Variants in ARNT2 observed in about 807,000 individuals in gnomAD.
The protein encoded by ARNT2 is aryl hydrocarbon receptor nuclear translocator 2.
In ARNT2, 36 loss-of-function variants were observed where a neutral mutation model predicts 91.7. That is an observed-to-expected ratio of 0.39 (90% CI 0.30 to 0.52). ARNT2 has a LOEUF of 0.52. ARNT2 is among the 20% of genes least tolerant of loss of function. The pLI is 0.72. For missense variants in ARNT2, 775 were observed against 939.3 expected, an observed-to-expected ratio of 0.83 and a Z score of 2.29; for synonymous variants, 365 against 347.1, an observed-to-expected ratio of 1.05 and a Z score of -0.57.
intron 17 of ARNT2, among the ~76,000 whole-genome samples, chr15:80,583,701 A>G (rs1432928797): frequency 6.6e-6 from 1 of 152,248 alleles, no homozygotes; most frequent in Non-Finnish European, 1.5e-5. Context: ...GAGGTCAGAT[A>G]ACTTACCCAG....
chr15:80,580,871 G>A (rs758476426), intron 16 of ARNT2, among the ~76,000 whole-genome samples: 37 of 152,102 alleles, frequency 2.4e-4, no homozygotes, highest in Non-Finnish European at 5.1e-4. Flanking sequence ...TGCGCCAGGA[G>A]GGCATGAAAC....
intron 1 of ARNT2, among the ~76,000 whole-genome samples, chr15:80,424,958 C>T (rs79459591): frequency 0.021 from 3,234 of 152,258 alleles, 114 homozygotes; most frequent in African/African-American, 0.073. Flanking sequence ...CAAAATAAAT[C>T]CTTTTTTTGT....
chr15:80,410,778 A>G (rs1290160548), intron 1 of ARNT2, among the ~76,000 whole-genome samples: 3 of 150,596 alleles, frequency 2.0e-5, no homozygotes, highest in South Asian at 4.3e-4. Context: ...CTATCTATCT[A>G]TCTATCTATC....
chr15:80,508,873 T>C (rs1001974245), intron 6 of ARNT2, among the ~76,000 whole-genome samples: 1 of 152,172 alleles, frequency 6.6e-6, no homozygotes, highest in African/African-American at 2.4e-5. Flanking sequence ...AATTTTGCCA[T>C]GTCGTTGAAG....
At chr15:80,589,251 T>C (rs1398503047) in intron 17 of ARNT2, among the ~76,000 whole-genome samples, 1 of 151,894 alleles carries the variant, frequency 6.6e-6, no homozygotes, top group Non-Finnish European at 1.5e-5. Flanking sequence ...TCAAGAGAGA[T>C]TGAGAAGAAT....
At chr15:80,522,516 G>T (rs984635532) in intron 8 of ARNT2, among the ~76,000 whole-genome samples, 1 of 152,060 alleles carries the variant, frequency 6.6e-6, no homozygotes, top group Non-Finnish European at 1.5e-5. Context: ...AGACGTAGGT[G>T]GTATAGCCTA....
chr15:80,525,275 C>T (rs1427673699), intron 8 of ARNT2, among the ~76,000 whole-genome samples: 2 of 151,414 alleles, frequency 1.3e-5, no homozygotes, highest in African/African-American at 4.9e-5. Context: ...TTCTGGAAAA[C>T]AACACCATCT....
At chr15:80,582,511 G>T (rs943092883) in intron 17 of ARNT2, among the ~76,000 whole-genome samples, 1 of 151,862 alleles carries the variant, frequency 6.6e-6, no homozygotes, top group Non-Finnish European at 1.5e-5. Context: ...ACAAAAGAAA[G>T]AAAAATGCTG....
At chr15:80,501,212 G>GA (rs1168275055) in intron 5 of ARNT2, among the ~76,000 whole-genome samples, 1 of 152,074 alleles carries the variant, frequency 6.6e-6, no homozygotes, top group African/African-American at 2.4e-5. Context: ...TTGGCCATAG[G>GA]AAAAACCTGG....
chr15:80,444,733 G>A (rs910067066), intron 1 of ARNT2: 6 of 150,486 alleles, frequency 4.0e-5, no homozygotes, highest in Admixed American at 4.0e-4. Flanking sequence ...ATGAGTTGAT[G>A]TGAGTGGTGT....
In ARNT2 at chr15:80,576,915, C is replaced by T. The variant is rs758760798; in HGVS notation, c.1563C>T (p.Ile521=). ...CCTCTGCAGCAGGAACCCAGCAGAT[C>T]TACTCCCAAGGAAGCCCATTTCCCT... The part of the protein sequence containing the change: ...SSASAAGTQQ[I]YSQGSPFPSG... The change falls in exon 15 of 19, where the codon ATC becomes ATT. Residue 521 remains isoleucine (I), a synonymous_variant. Coordinates refer to ENST00000303329, the MANE Select transcript of ARNT2 (RefSeq NM_014862.4). 6.2e-7 allele frequency: 1 copy of T among 1,614,010 alleles called. No individual in the cohort carries two copies. Among genetic ancestry groups the T allele is most frequent in the African/African-American group, 1.3e-5 (1 of 74,934 alleles).
chr15:80,510,635 C>G (rs1422886399), intron 6 of ARNT2, among the ~76,000 whole-genome samples: 1 of 152,010 alleles, frequency 6.6e-6, no homozygotes, highest in African/African-American at 2.4e-5. Flanking sequence ...TCAAGACTAT[C>G]CTGGCCAACA....
At chr15:80,582,117 T>C (rs971971037) in intron 17 of ARNT2, among the ~76,000 whole-genome samples, 1 of 152,164 alleles carries the variant, frequency 6.6e-6, no homozygotes, top group African/African-American at 2.4e-5. Flanking sequence ...CAGATGAGCG[T>C]GAATCTGAGC....
intron 1 of ARNT2, among the ~76,000 whole-genome samples, chr15:80,422,633 A>T (rs1222940726): frequency 6.6e-6 from 1 of 152,258 alleles, no homozygotes; most frequent in East Asian, 1.9e-4. Context: ...TAATGGGCAC[A>T]AGAATAAAGA....
intron 2 of ARNT2, among the ~76,000 whole-genome samples, chr15:80,452,526 T>C (rs1001747949): frequency 6.6e-6 from 1 of 152,208 alleles, no homozygotes; most frequent in African/African-American, 2.4e-5. Context: ...GGTGTCAACT[T>C]AATTGATTTT....
intron 1 of ARNT2, among the ~76,000 whole-genome samples, chr15:80,415,964 C>T (rs756351712): frequency 2.6e-5 from 4 of 152,132 alleles, no homozygotes; most frequent in Admixed American, 1.3e-4. Context: ...TTCATTTCCC[C>T]CTGGAGTCAG....
At chr15:80,489,675 A>T (rs1294954225) in intron 5 of ARNT2, among the ~76,000 whole-genome samples, 1 of 152,214 alleles carries the variant, frequency 6.6e-6, no homozygotes, top group African/African-American at 2.4e-5. Context: ...CCACCTCAGA[A>T]GATAGCCCTT....
intron 12 of ARNT2, among the ~76,000 whole-genome samples, chr15:80,569,462 G>A (rs1898547505): frequency 6.6e-6 from 1 of 152,280 alleles, no homozygotes; most frequent in South Asian, 2.1e-4. Flanking sequence ...GCCGTGAAAT[G>A]TCTGAGAAAA....
chr15:80,513,922 C>A lies in ARNT2; in HGVS notation c.737C>A (p.Ala246Asp). 1.2e-6 allele frequency: 2 copies of A among 1,613,438 alleles called. No homozygotes were observed. The highest frequency in any genetic ancestry group is 1.7e-6 in the Non-Finnish European group (2 of 1,179,432). Reference protein sequence around the residue: ...SFICRMRCGNAPLDHLPLNRI... With the variant: ...SFICRMRCGNDPLDHLPLNRI... ...TTGTCACATCTTAGGTGTGGAAATG[C>A]TCCTTTGGACCACCTTCCTCTAAAC... Residue 246 changes from alanine to aspartate, a missense_variant, in exon 7 of 19, where the codon GCT (alanine) becomes GAT (aspartate). Ala to Asp is a moderately radical substitution (Grantham distance 126). This residue lies in a region of ARNT2 where 285 missense variants were observed against 327.2 expected (regional missense o/e 0.87). Coordinates refer to ENST00000303329, the MANE Select transcript of ARNT2 (RefSeq NM_014862.4).
Sources: gnomAD v4.1 joint callset for allele counts (sites outside exome capture counted in the v4.1 genomes callset) on GRCh38, gnomAD v4.1.1 for gene constraint, gnomAD v4.1.1 regional missense constraint, MANE v1.5 for transcripts, NCBI Gene and HGNC (gene_info 2026-07-23, HGNC 2026-07-21) for gene names.